KDM5B: variants seen among roughly 807,000 people sequenced by gnomAD.
KDM5B encodes the protein lysine demethylase 5B.
In KDM5B, 144 loss-of-function variants were observed where a neutral mutation model predicts 193.4. The observed-to-expected ratio is 0.74, with a 90% CI of 0.65 to 0.86. The LOEUF is 0.86. KDM5B is among the 40% of genes least tolerant of loss of function. The pLI is 0.00. For synonymous variants in KDM5B, 668 were observed against 682.6 expected, an observed-to-expected ratio of 0.98 and a Z score of 0.33; for missense variants, 1,833 against 1,886.9, an observed-to-expected ratio of 0.97 and a Z score of 0.53.
intron 1 of KDM5B, among the ~76,000 whole-genome samples, chr1:202,780,553 T>C (rs902848955): frequency 6.6e-6 from 1 of 152,068 alleles, no homozygotes; most frequent in African/African-American, 2.4e-5. Context: ...CACCTCAATA[T>C]AGGCAAAAGG....
rs574413430 is a variant in KDM5B at position 202,797,368 on chromosome 1, C to T, written c.204+10734G>A. Among the ~76,000 whole-genome samples the T allele has an allele frequency of 2.0e-5, 3 of 152,234 alleles. No individual in the cohort carries two copies. In the South Asian group the frequency reaches 6.2e-4, roughly 32 times the overall value. ...GCTATCTGCCCCTCCCCTATGTTTC[C>T]CTCTGTGCTTGCTGTAGCTGGGCCT... On this transcript the variant is annotated intron_variant, in intron 1 of 26. Coordinates refer to ENST00000367265, the MANE Select transcript of KDM5B (RefSeq NM_006618.5).
rs1331596101 is a variant in KDM5B, at chr1:202,725,622, G to A, written c.*3414C>T. On this transcript the variant is annotated 3_prime_UTR_variant, in exon 27 of 27. Transcript: ENST00000367265. ...TGCTTTCCTCAGCTTGTCTTCCCAA[G>A]AAGCAATGTTTCATCAGAAGGGATT... 2 of 152,206 alleles carry A rather than the reference G, an allele frequency of 1.3e-5. No individual in the cohort carries two copies. Among genetic ancestry groups the A allele is most frequent in the Admixed American group, 1.3e-4 (2 of 15,274 alleles). 9.4% of individuals were successfully genotyped at this position (152,206 alleles called of 1,614,324 possible).
At chr1:202,790,128 G>A (rs1232857921) in intron 1 of KDM5B, among the ~76,000 whole-genome samples, 2 of 152,148 alleles carry the variant, frequency 1.3e-5, no homozygotes, top group African/African-American at 4.8e-5. Context: ...AGCTGGGCAT[G>A]GTGGCACACA....
At chr1:202,743,336 CAAAAAAAAAAAA>C (rs56202317) in intron 16 of KDM5B, among the ~76,000 whole-genome samples, 12 of 79,438 alleles carry the variant, frequency 1.5e-4, no homozygotes, top group African/African-American at 6.6e-4. Flanking sequence ...GACCTTGTCT[CAAAAAAAAAAAA>C]AAAAAAAAAA....
chr1:202,767,701 T>C (rs1558502152), intron 4 of KDM5B, among the ~76,000 whole-genome samples: 1 of 152,042 alleles, frequency 6.6e-6, no homozygotes, highest in Admixed American at 6.6e-5. Flanking sequence ...TTTAAAACAT[T>C]AAAAAAAATT....
chr1:202,782,654 A>G (rs922528402), intron 1 of KDM5B, among the ~76,000 whole-genome samples: 2 of 152,208 alleles, frequency 1.3e-5, no homozygotes, highest in African/African-American at 4.8e-5. Flanking sequence ...ACATTGCGAT[A>G]ATGTTTAACT....
At chr1:202,750,624 A>C in intron 13 of KDM5B, 35 bp downstream of exon 13, 1 of 1,603,982 alleles carries the variant, frequency 6.2e-7, no homozygotes, top group Non-Finnish European at 8.5e-7. Context: ...AAAAACAATA[A>C]ATTTGAAAAG....
At chr1:202,773,440 T>TAC (rs1264577434) in intron 3 of KDM5B, 152 bp from the exon 4 acceptor site, 1 of 596,974 alleles carries the variant, frequency 1.7e-6, no homozygotes. Context: ...CACATATATA[T>TAC]ACACACACAC....
chr1:202,740,613 G>A, intron 20 of KDM5B, 61 bp downstream of exon 20: 3 of 1,497,154 alleles, frequency 2.0e-6, no homozygotes, highest in Non-Finnish European at 2.7e-6. Flanking sequence ...CCCGGACGGG[G>A]CGCCAATATT....
intron 2 of KDM5B, among the ~76,000 whole-genome samples, chr1:202,775,869 AAAAAAAAAAAAT>A (rs1382692310): frequency 7.9e-6 from 1 of 127,296 alleles, no homozygotes; most frequent in African/African-American, 2.9e-5. Flanking sequence ...AAAAAAAAAA[AAAAAAAAAAAAT>A]ATATATATAT....
chr1:202,730,016 G>A lies in KDM5B; in HGVS notation c.4188C>T (p.Cys1396=). 1 of 1,609,842 alleles carries A rather than the reference G, an allele frequency of 6.2e-7. No homozygotes were observed. Among genetic ancestry groups the A allele is most frequent in the Non-Finnish European group, 8.5e-7 (1 of 1,177,904 alleles). Residue 1396 remains cysteine (C), a synonymous_variant, in exon 26 of 27, where the codon TGC becomes TGT. Coordinates refer to ENST00000367265, the MANE Select transcript of KDM5B (RefSeq NM_006618.5). ...TGTTAATTCCATCTCGCTTCCCTCGGCAACAGTCATTCTGGGTGGAAGATA... is the reference window on the plus strand; with the variant it reads ...TGTTAATTCCATCTCGCTTCCCTCGACAACAGTCATTCTGGGTGGAAGATA... ...VRPSSEKNDC[C]RGKRDGINSL... is the part of the protein sequence containing the mutation.
At chr1:202,732,035 AC>A in intron 23 of KDM5B, 96 bp from the exon 24 acceptor site, 1 of 647,842 alleles carries the variant, frequency 1.5e-6, no homozygotes, top group Admixed American at 3.5e-5. Context: ...CAGGCAGGCA[AC>A]CAGGGGAAAA....
intron 22 of KDM5B, among the ~76,000 whole-genome samples, chr1:202,734,222 C>CA (rs1447875015): frequency 2.6e-5 from 4 of 151,320 alleles, no homozygotes; most frequent in Non-Finnish European, 5.9e-5. Flanking sequence ...CCACATCTAT[C>CA]CCCTTTCAGA....
chr1:202,773,053 C>T, intron 4 of KDM5B, 65 bp downstream of exon 4: 1 of 1,178,302 alleles, frequency 8.5e-7, no homozygotes. Context: ...TTTTCATTTC[C>T]CTGAAAAGAC....
rs758630176 is a variant in KDM5B at position 202,746,238 on chromosome 1, A to G, written c.2102T>C (p.Met701Thr). 1.2e-6 allele frequency: 2 copies of G among 1,613,762 alleles called. No individual in the cohort carries two copies. The highest frequency in any genetic ancestry group is 1.7e-6 in the Non-Finnish European group (2 of 1,179,730). ...QCVKCKTTCF[M>T]SAISCSCKPG... The stretch of plus-strand genomic sequence containing the variant: ...TTTACAAGAACAGGAGATGGCAGAC[A>G]TGAAGCATGTAGTTTTGCATTTTAC... The change falls in exon 15 of 27, where the codon ATG (methionine) becomes ACG (threonine). Residue 701 changes from methionine to threonine, a missense_variant. Physicochemically the swap from Met to Thr is moderately conservative, Grantham distance 81. This residue lies in a region of KDM5B where 1,379 missense variants were observed against 1,349.6 expected (regional missense o/e 1.02). Coordinates refer to ENST00000367265, the MANE Select transcript of KDM5B (RefSeq NM_006618.5).
intron 1 of KDM5B, among the ~76,000 whole-genome samples, chr1:202,787,658 C>G (rs1657464276): frequency 6.6e-6 from 1 of 151,938 alleles, no homozygotes; most frequent in African/African-American, 2.4e-5. Flanking sequence ...GAGGCCAAGG[C>G]AGGCGGATCA....
chr1:202,741,242 A>G, intron 19 of KDM5B, 125 bp downstream of exon 19: 1 of 574,086 alleles, frequency 1.7e-6, no homozygotes. Flanking sequence ...CTATTTCTAC[A>G]TGTCTTCCAC....
At chr1:202,801,080 T>C (rs1658054261) in intron 1 of KDM5B, among the ~76,000 whole-genome samples, 1 of 152,232 alleles carries the variant, frequency 6.6e-6, no homozygotes, top group African/African-American at 2.4e-5. Flanking sequence ...TAGTTTTGTC[T>C]CAACTCCAAT....
intron 2 of KDM5B, among the ~76,000 whole-genome samples, chr1:202,775,757 G>A (rs1036800853): frequency 5.4e-5 from 8 of 146,862 alleles, no homozygotes; most frequent in Middle Eastern, 3.6e-3. Flanking sequence ...TCAGGAGGCC[G>A]AGGCAGGAGA....
Sources: allele counts gnomAD v4.1 joint callset (sites outside exome capture counted in the v4.1 genomes callset), GRCh38; gene constraint gnomAD v4.1.1; regional missense constraint gnomAD v4.1.1; transcripts MANE v1.5; gene names NCBI Gene and HGNC (gene_info 2026-07-23, HGNC 2026-07-21).